Variants in ZRANB2 observed in about 807,000 individuals in gnomAD.
ZRANB2 encodes zinc finger Ran-binding domain-containing protein 2.
A neutral mutation model predicts 53.4 loss-of-function variants in ZRANB2; 19 were observed. The ratio of observed to expected loss-of-function variants is 0.36; its 90% CI spans 0.25 to 0.52. The LOEUF (loss-of-function observed/expected upper bound fraction) is 0.52, where lower values mean the gene tolerates loss of function less well. Among genes scored for constraint, ZRANB2 ranks in the 20% least tolerant of loss-of-function variants. ZRANB2 has a pLI of 0.93. For missense variants in ZRANB2, 309 were observed against 401.1 expected, an observed-to-expected ratio of 0.77 and a Z score of 1.96; for synonymous variants, 145 against 134.8, an observed-to-expected ratio of 1.08 and a Z score of -0.52.
intron 6 of ZRANB2, among the ~76,000 whole-genome samples, 176 bp downstream of exon 6, chr1:71,071,945 A>G (rs938253432): frequency 6.6e-6 from 1 of 152,158 alleles, no homozygotes; most frequent in South Asian, 2.1e-4. Context: ...GTATCTCCAG[A>G]ACAGTAGTGT....
In ZRANB2 at chr1:71,066,939, AT is replaced by A; in HGVS notation, c.771-6del. 1 of 1,554,206 alleles carries A rather than the reference AT, an allele frequency of 6.4e-7. No homozygotes were observed. The highest frequency in any genetic ancestry group is 1.3e-5 in the South Asian group (1 of 78,620). On this transcript the variant is annotated splice_polypyrimidine_tract_variant and splice_region_variant and intron_variant, in intron 8 of 9. Coordinates refer to ENST00000370920, the MANE Select transcript of ZRANB2 (RefSeq NM_203350.3). ...CTGTGGGACCTGGAGCTGGATCTTCATTGATTGAGAAACAAATCAAACATTT... is the reference window on the plus strand; with the variant it reads ...CTGTGGGACCTGGAGCTGGATCTTCATGATTGAGAAACAAATCAAACATTT...
chr1:71,077,147 C>T (rs192495569), intron 3 of ZRANB2, among the ~76,000 whole-genome samples: 163 of 152,198 alleles, frequency 1.1e-3, no homozygotes, highest in African/African-American at 3.8e-3. Context: ...CAAATTATAA[C>T]CACAGGTCGA....
chr1:71,080,683 T>C (rs1661823680), intron 1 of ZRANB2, among the ~76,000 whole-genome samples: 2 of 151,840 alleles, frequency 1.3e-5, no homozygotes, highest in African/African-American at 4.8e-5. Flanking sequence ...AGGTAGGCCA[T>C]CTCGCACTCT....
intron 8 of ZRANB2, 55 bp from the exon 9 acceptor site, chr1:71,066,989 ATTAT>A (rs1259148343): frequency 7.4e-6 from 11 of 1,486,512 alleles, no homozygotes; most frequent in Non-Finnish European, 9.9e-6. Flanking sequence ...AATAAGGAAG[ATTAT>A]TTAGTTATCA....
At position 71,065,044 on chromosome 1, in the gene ZRANB2, G is replaced by A; in HGVS notation, c.*30C>T. On this transcript the variant is annotated 3_prime_UTR_variant, in exon 10 of 10. Coordinates refer to ENST00000370920, the MANE Select transcript of ZRANB2 (RefSeq NM_203350.3). ...AAAAATATGCTTCATGCACTGTACT[G>A]GATTTTTTTAAGATGTAAATTTTAA... 1 of 1,541,240 alleles carries A rather than the reference G, an allele frequency of 6.5e-7. No individual in the cohort carries two copies. Among genetic ancestry groups the A allele is most frequent in the Middle Eastern group, 1.7e-4 (1 of 5,894 alleles).
At position 71,080,908 on chromosome 1, in the gene ZRANB2, C is replaced by G. The variant is rs369920904; in HGVS notation, c.56+32G>C. 15 of 1,613,122 alleles carry G rather than the reference C, an allele frequency of 9.3e-6. No individual in the cohort carries two copies. In the African/African-American group the frequency reaches 1.9e-4, roughly 20 times the overall value. On this transcript the variant is annotated intron_variant, in intron 1 of 9. Coordinates refer to ENST00000370920, the MANE Select transcript of ZRANB2 (RefSeq NM_203350.3). ...CTCGGAAAGCTTCCACTAACAAACTCCGTCCCAATTCAGGACCCTTCTTGA... is the reference window on the plus strand; with the variant it reads ...CTCGGAAAGCTTCCACTAACAAACTGCGTCCCAATTCAGGACCCTTCTTGA...
intron 1 of ZRANB2, 63 bp from the exon 2 acceptor site, chr1:71,078,771 G>A: frequency 7.4e-7 from 1 of 1,349,426 alleles, no homozygotes; most frequent in Non-Finnish European, 1.0e-6. Context: ...ATTTTAACTT[G>A]TCCTCACTAC....
rs1661547701 is a variant in ZRANB2 at position 71,069,475 on chromosome 1, T to C, written c.684-113A>G. On this transcript the variant is annotated intron_variant, in intron 7 of 9. Coordinates refer to ENST00000370920, the MANE Select transcript of ZRANB2 (RefSeq NM_203350.3). The stretch of plus-strand genomic sequence containing the variant: ...GTTCATTTTCATATAAAAAGATAAC[T>C]ATACAAGATATATACTTTCAAAACA... The C allele has an allele frequency of 6.2e-6, 4 of 641,932 alleles. No individual in the cohort carries two copies. In the South Asian group the frequency reaches 8.7e-5, roughly 14 times the overall value. 39.8% of individuals were successfully genotyped at this position (641,932 alleles called of 1,614,324 possible). A position where few individuals can be genotyped will look rare whatever the true frequency, so the allele number is the denominator to read the frequency against.
In ZRANB2 at chr1:71,066,882, A is replaced by C. The variant is rs748594728; in HGVS notation, c.823T>G (p.Ser275Ala). The change falls in exon 9 of 10, where the codon TCA becomes GCA. Residue 275 changes from serine to alanine, a missense_variant. Ser to Ala is a moderately conservative substitution (Grantham distance 99). Transcript: ENST00000370920. The stretch of plus-strand genomic sequence containing the variant: ...CTCTCAGGAGAAGATGATGAACTTG[A>C]ATAAGATCTTTTTCGTGGGGAAGAA... The part of the protein sequence containing the change: ...GSSSPRKRSY[S>A]SSSSSPERNR... 6.2e-7 allele frequency: 1 copy of C among 1,607,082 alleles called. No individual in the cohort carries two copies. The highest frequency in any genetic ancestry group is 1.7e-5 in the Admixed American group (1 of 59,202).
intron 1 of ZRANB2, among the ~76,000 whole-genome samples, chr1:71,079,175 GAACC>G (rs1417385663): frequency 4.0e-5 from 6 of 150,882 alleles, no homozygotes; most frequent in Non-Finnish European, 7.4e-5. Context: ...GGATGCTAAG[GAACC>G]AAATATGATA....
At chr1:71,073,693 AAT>A (rs1369821717) in intron 4 of ZRANB2, among the ~76,000 whole-genome samples, 2 of 152,068 alleles carry the variant, frequency 1.3e-5, no homozygotes, top group African/African-American at 2.4e-5. Flanking sequence ...ACTGAAAAGT[AAT>A]ATGACAAATA....
At chr1:71,069,835 G>C (rs955631494) in intron 7 of ZRANB2, among the ~76,000 whole-genome samples, 1 of 152,048 alleles carries the variant, frequency 6.6e-6, no homozygotes, top group South Asian at 2.1e-4. Context: ...TCAATGCTTA[G>C]AGAATTAAAG....
chr1:71,080,981 A>G lies in ZRANB2; in HGVS notation c.15T>C (p.Asn5=), dbSNP rs1464207637. 1 of 1,614,102 alleles carries G rather than the reference A, an allele frequency of 6.2e-7. No homozygotes were observed. Among genetic ancestry groups the G allele is most frequent in the Non-Finnish European group, 8.5e-7 (1 of 1,180,008 alleles). The part of the protein sequence containing the change: MSTK[N]FRVSDGDWIC... ...TCCAGTCCCCGTCACTGACTCGGAA[A>G]TTCTTGGTCGACATCTTGAACGCCA... Residue 5 remains asparagine, a synonymous_variant, in exon 1 of 10, where the codon AAT becomes AAC. Transcript: ENST00000370920.
chr1:71,073,581 T>C (rs938591090), intron 4 of ZRANB2, among the ~76,000 whole-genome samples: 1 of 151,996 alleles, frequency 6.6e-6, no homozygotes, highest in South Asian at 2.1e-4. Flanking sequence ...CTTTTCTTCA[T>C]TATACTTTGT....
chr1:71,067,034 C>T (rs2101041067), intron 8 of ZRANB2, 100 bp from the exon 9 acceptor site: 1 of 1,216,656 alleles, frequency 8.2e-7, no homozygotes, highest in East Asian at 2.7e-5. Context: ...GGATTTATAA[C>T]AACTATGAAA....
chr1:71,070,015 A>C (rs1661560981), intron 7 of ZRANB2, among the ~76,000 whole-genome samples: 1 of 152,170 alleles, frequency 6.6e-6, no homozygotes, highest in African/African-American at 2.4e-5. Context: ...CTATATTTTT[A>C]CCAAAAAATT....
chr1:71,074,481 G>A (rs952614609), intron 4 of ZRANB2, among the ~76,000 whole-genome samples: 14 of 152,068 alleles, frequency 9.2e-5, no homozygotes, highest in Non-Finnish European at 1.8e-4. Context: ...AGCGGGAAAG[G>A]GGGATGAATA....
At chr1:71,071,074 T>C (rs1661584971) in intron 6 of ZRANB2, 78 bp from the exon 7 acceptor site, 1 of 1,265,336 alleles carries the variant, frequency 7.9e-7, no homozygotes, top group Non-Finnish European at 1.1e-6. Flanking sequence ...TTAGGTGTAC[T>C]GAGCACCTCC....
At chr1:71,067,055 G>T in intron 8 of ZRANB2, 121 bp from the exon 9 acceptor site, 1 of 934,204 alleles carries the variant, frequency 1.1e-6, no homozygotes, top group African/African-American at 1.7e-5. Flanking sequence ...ATTTTATAAG[G>T]AAGAATACTT....
Sources: allele counts gnomAD v4.1 joint callset (sites outside exome capture counted in the v4.1 genomes callset), GRCh38; gene constraint gnomAD v4.1.1; transcripts MANE v1.5; gene names NCBI Gene and HGNC (gene_info 2026-07-23, HGNC 2026-07-21).